MSTO1: variants seen among roughly 807,000 people sequenced by gnomAD.
MSTO1 encodes the protein protein misato homolog 1.
A neutral mutation model predicts 55.7 loss-of-function variants in MSTO1; 24 were observed. That is an observed-to-expected ratio of 0.43 (90% CI 0.31 to 0.61). The LOEUF is 0.61. MSTO1 is among the 20% of genes least tolerant of loss of function. The pLI, the probability that MSTO1 is intolerant of heterozygous loss-of-function variation, is 0.09. For synonymous variants in MSTO1, 162 were observed against 252.8 expected, an observed-to-expected ratio of 0.64 and a Z score of 3.41; for missense variants, 363 against 625.7, an observed-to-expected ratio of 0.58 and a Z score of 4.48.
the MSTO1 span, among the ~76,000 whole-genome samples, chr1:155,604,766 T>C: frequency 3.7e-4 from 56 of 152,042 alleles, no homozygotes; most frequent in Non-Finnish European, 5.4e-4. Flanking sequence ...TCCCAGCTAC[T>C]TGGGGGGCTG....
At chr1:155,613,347 G>GAA (rs11454639) in intron 11 of MSTO1, 114 bp downstream of exon 11, 33 of 1,414,614 alleles carry the variant, frequency 2.3e-5, no homozygotes, top group African/African-American at 4.4e-5. Flanking sequence ...CCTTAAAAAG[G>GAA]AAAAAAAAAA....
At chr1:155,565,159 T>A in the MSTO1 span, among the ~76,000 whole-genome samples, 1 of 150,864 alleles carries the variant, frequency 6.6e-6, no homozygotes. Context: ...CAGGTGGGCA[T>A]GGTGGAGCGC....
At chr1:155,579,911 C>T in the MSTO1 span, among the ~76,000 whole-genome samples, 2 of 151,472 alleles carry the variant, frequency 1.3e-5, no homozygotes, top group Non-Finnish European at 2.9e-5. Flanking sequence ...AACCTCGTCT[C>T]TACTAAAAAT....
chr1:155,609,537 C>T (rs1339481999), upstream of MSTO1, among the ~76,000 whole-genome samples: 2 of 152,058 alleles, frequency 1.3e-5, no homozygotes, highest in African/African-American at 4.8e-5. Flanking sequence ...CGTGAACCAC[C>T]GCGCCCAGCC....
upstream of MSTO1, among the ~76,000 whole-genome samples, chr1:155,606,888 G>T (rs1223908411): frequency 6.6e-6 from 1 of 152,100 alleles, no homozygotes; most frequent in Admixed American, 6.5e-5. Flanking sequence ...AGGCTGGAGT[G>T]CAGTGGCCCC....
the MSTO1 span, among the ~76,000 whole-genome samples, chr1:155,586,042 A>G: frequency 2.0e-5 from 3 of 152,176 alleles, no homozygotes; most frequent in African/African-American, 7.2e-5. Context: ...GCTTTCCAGT[A>G]TTCCATTCTA....
the MSTO1 span, among the ~76,000 whole-genome samples, chr1:155,581,289 T>C: frequency 6.6e-6 from 1 of 152,120 alleles, no homozygotes; most frequent in South Asian, 2.1e-4. Flanking sequence ...AAATAAAGAC[T>C]GTGGTTGGAA....
At chr1:155,605,448 C>T (rs1460313382), upstream of MSTO1, among the ~76,000 whole-genome samples, 3 of 151,968 alleles carry the variant, frequency 2.0e-5, no homozygotes, top group Admixed American at 6.6e-5. Context: ...AATATTGACA[C>T]AAAAAAATAA....
the MSTO1 span, among the ~76,000 whole-genome samples, chr1:155,591,682 C>T: frequency 5.3e-5 from 8 of 151,682 alleles, no homozygotes; most frequent in Admixed American, 4.6e-4. Context: ...CCCAGCTACT[C>T]GGGAGGCTGA....
chr1:155,600,975 CTTT>C, the MSTO1 span, among the ~76,000 whole-genome samples: 2 of 119,136 alleles, frequency 1.7e-5, no homozygotes, highest in African/African-American at 3.4e-5. Context: ...TGTGCTAGGC[CTTT>C]TTTTTTTTTT....
chr1:155,569,807 G>C, the MSTO1 span, among the ~76,000 whole-genome samples: 1 of 151,850 alleles, frequency 6.6e-6, no homozygotes, highest in South Asian at 2.1e-4. Context: ...GAAATGTTGT[G>C]GATTTGAGAT....
chr1:155,575,287 T>C, the MSTO1 span, among the ~76,000 whole-genome samples: 1 of 152,184 alleles, frequency 6.6e-6, no homozygotes, highest in East Asian at 1.9e-4. Context: ...TCAGTTCTTT[T>C]GATTTGAGCC....
chr1:155,582,449 G>A, the MSTO1 span, among the ~76,000 whole-genome samples: 1 of 151,972 alleles, frequency 6.6e-6, no homozygotes, highest in African/African-American at 2.4e-5. Context: ...GGATTTCTCT[G>A]CTTATAGATT....
chr1:155,583,939 C>T, the MSTO1 span, among the ~76,000 whole-genome samples: 2 of 152,114 alleles, frequency 1.3e-5, no homozygotes, highest in Non-Finnish European at 2.9e-5. Context: ...CCTGAAATCC[C>T]ACAAGTAAAA....
the MSTO1 span, among the ~76,000 whole-genome samples, chr1:155,594,130 G>T: frequency 6.6e-6 from 1 of 152,026 alleles, no homozygotes; most frequent in Non-Finnish European, 1.5e-5. Context: ...GGCCAGGTGC[G>T]GTGGCTCACA....
chr1:155,579,094 G>A, the MSTO1 span, among the ~76,000 whole-genome samples: 1 of 151,420 alleles, frequency 6.6e-6, no homozygotes, highest in Non-Finnish European at 1.5e-5. Context: ...GATCACCTGA[G>A]GTTGGGAGTT....
At chr1:155,612,636 C>T (rs1307424465) in intron 9 of MSTO1, 66 bp downstream of exon 9, 25 of 1,535,238 alleles carry the variant, frequency 1.6e-5, no homozygotes, top group South Asian at 1.1e-4. Flanking sequence ...CCCAGTCAGC[C>T]GCTGTCTGTT....
the MSTO1 span, among the ~76,000 whole-genome samples, chr1:155,570,951 G>C: frequency 2.6e-5 from 4 of 152,252 alleles, no homozygotes; most frequent in South Asian, 8.3e-4. Context: ...GCTTTAAAAA[G>C]TGTATATTGT....
At chr1:155,572,055 A>G in the MSTO1 span, among the ~76,000 whole-genome samples, 3 of 152,088 alleles carry the variant, frequency 2.0e-5, no homozygotes, top group Non-Finnish European at 4.4e-5. Context: ...AAAAAAAAAA[A>G]AAAAGAAATT....
Sources: allele counts gnomAD v4.1 joint callset (sites outside exome capture counted in the v4.1 genomes callset), GRCh38; gene constraint gnomAD v4.1.1; transcripts MANE v1.5; gene names NCBI Gene and HGNC (gene_info 2026-07-23, HGNC 2026-07-21).